The following PPP2R2B variants were observed in gnomAD, a reference collection of about 807,000 sequenced individuals.
PPP2R2B encodes serine/threonine-protein phosphatase 2A 55 kDa regulatory subunit B beta isoform.
A neutral mutation model predicts 46.0 loss-of-function variants in PPP2R2B; 5 were observed. The observed-to-expected ratio is 0.11, with a 90% CI of 0.06 to 0.23. The LOEUF (loss-of-function observed/expected upper bound fraction) is 0.23, where lower values mean the gene tolerates loss of function less well. PPP2R2B is among the 10% of genes least tolerant of loss of function. PPP2R2B has a pLI of 1.00. For synonymous variants in PPP2R2B, 215 were observed against 206.7 expected, an observed-to-expected ratio of 1.04 and a Z score of -0.34; for missense variants, 367 against 575.0, an observed-to-expected ratio of 0.64 and a Z score of 3.70.
chr5:147,081,279 G>A (rs1368448928), exon 1 of PPP2R2B: 4 of 1,535,562 alleles, frequency 2.6e-6, no homozygotes, highest in African/African-American at 2.7e-5. Flanking sequence ...CGTCAGAGAA[G>A]AGACCCTAGT....
intron 1 of PPP2R2B, among the ~76,000 whole-genome samples, chr5:147,038,874 G>A (rs897864606): frequency 5.3e-5 from 8 of 152,110 alleles, no homozygotes; most frequent in Non-Finnish European, 1.2e-4. Flanking sequence ...ACTGCCTCCA[G>A]AATCCAAGTT....
chr5:146,781,265 T>C (rs534543765), intron 2 of PPP2R2B, among the ~76,000 whole-genome samples: 6 of 148,978 alleles, frequency 4.0e-5, no homozygotes, highest in African/African-American at 1.2e-4. Flanking sequence ...AGTGTGAGTA[T>C]ATCAACCCAG....
intron 7 of PPP2R2B, among the ~76,000 whole-genome samples, chr5:146,608,835 C>T (rs1380388371): frequency 6.6e-6 from 1 of 152,110 alleles, no homozygotes; most frequent in African/African-American, 2.4e-5. Context: ...TCAGAAGTCA[C>T]CAAGCCCATA....
intron 1 of PPP2R2B, among the ~76,000 whole-genome samples, chr5:146,991,906 T>A (rs1254353003): frequency 5.9e-5 from 9 of 152,120 alleles, no homozygotes; most frequent in Admixed American, 5.2e-4. Context: ...TCCATATTCA[T>A]GGATTGGAAA....
chr5:147,017,059 A>T (rs9325030), intron 1 of PPP2R2B, among the ~76,000 whole-genome samples: 40,267 of 151,378 alleles, frequency 0.27, 6,405 homozygotes, highest in African/African-American at 0.41. Context: ...TGGAGGCTAG[A>T]TCTGAGGAAT....
chr5:147,010,796 T>C (rs1257608705), intron 1 of PPP2R2B, among the ~76,000 whole-genome samples: 1 of 152,062 alleles, frequency 6.6e-6, no homozygotes, highest in Non-Finnish European at 1.5e-5. Context: ...CCTCTATGTG[T>C]CTCACACTTA....
rs1229356431 is a variant in PPP2R2B at position 146,898,932 on chromosome 5, C to T, written c.79+156733G>A. On this transcript the variant is annotated intron_variant, in intron 1 of 8. Transcript: ENST00000336640. ...AATCAAAACCACAATGAGATACCAT[C>T]TCACACCAGTTAGAATGGCAATCTT... Among the ~76,000 whole-genome samples, 277 of 141,262 alleles carry T rather than the reference C, an allele frequency of 2.0e-3. 3 individuals carry two copies. The highest frequency in any genetic ancestry group is 7.4e-3 in the African/African-American group (262 of 35,478). The allele number at this position is 141,262 out of a possible 152,430, so 92.7% of individuals were successfully genotyped here.
chr5:146,961,107 C>T (rs1374987048), intron 1 of PPP2R2B, among the ~76,000 whole-genome samples: 1 of 151,966 alleles, frequency 6.6e-6, no homozygotes, highest in Non-Finnish European at 1.5e-5. Flanking sequence ...TGCTTTTTTC[C>T]AGTTATACTG....
intron 1 of PPP2R2B, among the ~76,000 whole-genome samples, chr5:146,943,460 T>A (rs1305705603): frequency 6.6e-6 from 1 of 152,218 alleles, no homozygotes; most frequent in Non-Finnish European, 1.5e-5. Flanking sequence ...TTGCTGTAAC[T>A]AAACCCTTTT....
At chr5:146,794,475 G>T (rs2151297821) in intron 2 of PPP2R2B, among the ~76,000 whole-genome samples, 1 of 152,320 alleles carries the variant, frequency 6.6e-6, no homozygotes, top group South Asian at 2.1e-4. Context: ...ATGCTAACAA[G>T]TGACTGTACT....
chr5:146,881,570 C>T (rs1316349014), upstream of PPP2R2B, among the ~76,000 whole-genome samples: 1 of 152,064 alleles, frequency 6.6e-6, no homozygotes, highest in African/African-American at 2.4e-5. Context: ...GACCACCACA[C>T]CCAGCTAATT....
chr5:146,767,539 T>TACAC lies in PPP2R2B; in HGVS notation c.71-66401_71-66398dup, dbSNP rs112893364. On this transcript the variant is annotated intron_variant, in intron 2 of 9. Transcript: ENST00000394411. ...ATTATGACTCCAATACACACATACATACACACACACACACACACCTATATA... is the reference window on the plus strand; with the variant it reads ...ATTATGACTCCAATACACACATACATACACACACACACACACACACACCTATATA... Among the ~76,000 whole-genome samples, 258 of 150,536 alleles carry TACAC rather than the reference T, an allele frequency of 1.7e-3. 1 individual carries two copies. The highest frequency in any genetic ancestry group is 5.9e-3 in the African/African-American group (244 of 41,072).
At chr5:146,877,357 A>G (rs1340556357) in intron 2 of PPP2R2B, among the ~76,000 whole-genome samples, 2 of 152,082 alleles carry the variant, frequency 1.3e-5, no homozygotes, top group East Asian at 3.9e-4. Flanking sequence ...AGAATTCATA[A>G]TGGTGATTTT....
At chr5:146,633,711 C>T (rs2151073116) in intron 7 of PPP2R2B, among the ~76,000 whole-genome samples, 1 of 152,352 alleles carries the variant, frequency 6.6e-6, no homozygotes, top group Admixed American at 6.5e-5. Flanking sequence ...AGGACAGTCA[C>T]CAGGGCTTTG....
intron 1 of PPP2R2B, among the ~76,000 whole-genome samples, chr5:146,940,519 A>C (rs1277578312): frequency 2.6e-5 from 4 of 151,882 alleles, no homozygotes; most frequent in Admixed American, 6.6e-5. Flanking sequence ...GGGAAAAAAA[A>C]AAAAACATAA....
rs1470501465 is a variant in PPP2R2B at position 146,931,413 on chromosome 5, T to A, written c.79+124252A>T. 2.0e-5 allele frequency among the ~76,000 whole-genome samples: 3 copies of A among 152,070 alleles called. No homozygotes were observed. In the East Asian group the frequency reaches 5.8e-4, roughly 29 times the overall value. ...TTGGAACTGTCCGGAAATAGCACCC[T>A]CTCTCAATAATCTCTTCTTTCTAAA... On this transcript the variant is annotated intron_variant, in intron 1 of 8. Coordinates refer to the PPP2R2B transcript ENST00000336640.
intron 1 of PPP2R2B, among the ~76,000 whole-genome samples, chr5:146,929,938 T>C (rs1763911671): frequency 1.3e-5 from 2 of 152,184 alleles, no homozygotes; most frequent in East Asian, 3.8e-4. Context: ...ATTTTACAAA[T>C]TAAACAATGA....
intron 2 of PPP2R2B, among the ~76,000 whole-genome samples, chr5:146,761,153 C>T (rs917699916): frequency 1.3e-5 from 2 of 152,122 alleles, no homozygotes; most frequent in African/African-American, 2.4e-5. Flanking sequence ...ACCCAGCCAT[C>T]CCATTACTGG....
At chr5:146,984,426 A>C (rs190838478) in intron 1 of PPP2R2B, among the ~76,000 whole-genome samples, 4 of 152,290 alleles carry the variant, frequency 2.6e-5, no homozygotes, top group Admixed American at 2.6e-4. Flanking sequence ...TCTTCTTTTT[A>C]TAGACTAAAT....
Sources: allele counts gnomAD v4.1 joint callset (sites outside exome capture counted in the v4.1 genomes callset), GRCh38; gene constraint gnomAD v4.1.1; transcripts MANE v1.5; gene names NCBI Gene and HGNC (gene_info 2026-07-23, HGNC 2026-07-21).